The following UNC13C variants were observed in gnomAD, a reference collection of about 807,000 sequenced individuals.
UNC13C encodes the protein protein unc-13 homolog C.
Under a neutral mutation model 245.4 loss-of-function variants are expected in UNC13C, and 174 were observed. The ratio of observed to expected loss-of-function variants is 0.71; its 90% CI spans 0.63 to 0.80. The LOEUF is 0.80. Among genes scored for constraint, UNC13C ranks in the 30% least tolerant of loss-of-function variants. The pLI, the probability that UNC13C is intolerant of heterozygous loss-of-function variation, is 0.00. For synonymous variants in UNC13C, 992 were observed against 895.1 expected, an observed-to-expected ratio of 1.11 and a Z score of -1.93; for missense variants, 2,829 against 2,602.9, an observed-to-expected ratio of 1.09 and a Z score of -1.89.
At chr15:53,979,314 G>T (rs1369906141) in intron 1 of UNC13C, among the ~76,000 whole-genome samples, 1 of 126,114 alleles carries the variant, frequency 7.9e-6, no homozygotes, top group Non-Finnish European at 1.8e-5. Flanking sequence ...CTAGGAAAGG[G>T]TTAAAAGCCA....
chr15:53,864,480 C>A, the UNC13C span, among the ~76,000 whole-genome samples: 6 of 152,260 alleles, frequency 3.9e-5, no homozygotes, highest in East Asian at 9.6e-4. Context: ...TGATTCATAG[C>A]GCAGACTTAT....
At chr15:54,482,360 CCTT>C (rs1371744654) in intron 19 of UNC13C, among the ~76,000 whole-genome samples, 1 of 152,128 alleles carries the variant, frequency 6.6e-6, no homozygotes, top group African/African-American at 2.4e-5. Flanking sequence ...AGCGTGAACT[CCTT>C]CTTTGAATTA....
At chr15:54,215,643 T>C (rs1382694932) in intron 4 of UNC13C, among the ~76,000 whole-genome samples, 2 of 151,906 alleles carry the variant, frequency 1.3e-5, no homozygotes, top group African/African-American at 2.4e-5. Flanking sequence ...CATCTTATCT[T>C]TAAAATATTA....
intron 1 of UNC13C, among the ~76,000 whole-genome samples, chr15:53,989,801 G>T (rs1286648186): frequency 6.6e-6 from 1 of 151,918 alleles, no homozygotes; most frequent in Non-Finnish European, 1.5e-5. Flanking sequence ...CAGCCAGCAT[G>T]GCTACTCTGA....
chr15:54,048,077 T>C (rs1897117122), intron 2 of UNC13C, among the ~76,000 whole-genome samples: 1 of 152,174 alleles, frequency 6.6e-6, no homozygotes, highest in Non-Finnish European at 1.5e-5. Context: ...CTTATACTTA[T>C]TTAAAGGTAA....
chr15:54,015,496 GA>G lies in UNC13C; in HGVS notation c.2595del (p.Asp866IlefsTer24). ...CTATTACTATAAAGCAGAGGATGAG[GA>G]AGATTATACTGAACCAGTGGCTGAC... ...EPYYYKAEDE[E>X]DYTEPVADNE... On this transcript the variant is annotated frameshift_variant, in exon 2 of 33. Coordinates refer to ENST00000260323, the MANE Select transcript of UNC13C (RefSeq NM_001080534.3). LOFTEE classifies it high-confidence loss of function. 1.9e-6 allele frequency: 3 copies of G among 1,612,858 alleles called. No homozygotes were observed. The highest frequency in any genetic ancestry group is 2.5e-6 in the Non-Finnish European group (3 of 1,179,110).
At chr15:54,124,385 A>C (rs2141200823) in intron 2 of UNC13C, among the ~76,000 whole-genome samples, 1 of 152,312 alleles carries the variant, frequency 6.6e-6, no homozygotes, top group South Asian at 2.1e-4. Context: ...GCATTTTCTA[A>C]ATAGCTACTA....
chr15:54,369,199 C>A (rs987456226), intron 17 of UNC13C, among the ~76,000 whole-genome samples: 21 of 136,166 alleles, frequency 1.5e-4, no homozygotes, highest in African/African-American at 5.3e-4. Flanking sequence ...CCTCCCCCCC[C>A]CAAAAAAAAA....
intron 13 of UNC13C, among the ~76,000 whole-genome samples, chr15:54,302,990 C>G (rs2037627541): frequency 6.6e-6 from 1 of 152,042 alleles, no homozygotes; most frequent in Admixed American, 6.6e-5. Context: ...TTTTTCAGTA[C>G]ATAGAATGTC....
Position 54,013,580 on chromosome 15 carries a change from T to A in UNC13C, c.677T>A (p.Leu226Gln). Residue 226 changes from leucine (L) to glutamine (Q), a missense_variant, in exon 2 of 33, where the codon CTG becomes CAG. Leu to Gln is a moderately radical substitution (Grantham distance 113). Coordinates refer to ENST00000260323, the MANE Select transcript of UNC13C (RefSeq NM_001080534.3). ...GTCCGAAACCCAAAGACAAATGCCC[T>A]GGAGCCAGGGTTCAGTTCCTCTGGC... The part of the protein sequence containing the change: ...RTVRNPKTNA[L>Q]EPGFSSSGCI... 1 of 1,613,674 alleles carries A rather than the reference T, an allele frequency of 6.2e-7. No homozygotes were observed.
At chr15:53,971,401 A>G in the UNC13C span, among the ~76,000 whole-genome samples, 1 of 152,216 alleles carries the variant, frequency 6.6e-6, no homozygotes, top group East Asian at 1.9e-4. Flanking sequence ...TTTGTTAAAT[A>G]TGACAGTAGA....
intron 30 of UNC13C, among the ~76,000 whole-genome samples, chr15:54,613,151 C>T (rs1268730748): frequency 6.6e-6 from 1 of 151,766 alleles, no homozygotes; most frequent in African/African-American, 2.4e-5. Flanking sequence ...ACTACAAAAT[C>T]AATAGCTTTT....
chr15:53,901,431 A>T, the UNC13C span, among the ~76,000 whole-genome samples: 13 of 150,934 alleles, frequency 8.6e-5, no homozygotes, highest in African/African-American at 2.2e-4. Flanking sequence ...TCACTGTGTT[A>T]GCCAGGATGG....
intron 30 of UNC13C, among the ~76,000 whole-genome samples, chr15:54,582,295 C>G (rs968616144): frequency 6.6e-6 from 1 of 152,032 alleles, no homozygotes; most frequent in Non-Finnish European, 1.5e-5. Flanking sequence ...CAACCTACCA[C>G]TGACGAAAGT....
intron 13 of UNC13C, among the ~76,000 whole-genome samples, chr15:54,317,366 T>A (rs1057001470): frequency 6.6e-6 from 1 of 151,926 alleles, no homozygotes; most frequent in Non-Finnish European, 1.5e-5. Context: ...AACCTATGAA[T>A]TATTTATTAA....
At chr15:53,862,796 C>T in the UNC13C span, among the ~76,000 whole-genome samples, 5 of 152,106 alleles carry the variant, frequency 3.3e-5, no homozygotes, top group African/African-American at 1.2e-4. Context: ...CTCTCAAAGA[C>T]TCCATCTGTA....
At chr15:53,942,528 C>T in the UNC13C span, among the ~76,000 whole-genome samples, 1 of 148,430 alleles carries the variant, frequency 6.7e-6, no homozygotes, top group Admixed American at 6.7e-5. Context: ...AAAACCTGCA[C>T]ATCCTATACA....
intron 13 of UNC13C, among the ~76,000 whole-genome samples, chr15:54,303,184 C>G (rs536102311): frequency 3.9e-5 from 6 of 152,100 alleles, no homozygotes; most frequent in Non-Finnish European, 5.9e-5. Context: ...TTGGAGGGAA[C>G]TTGTTTTATA....
chr15:54,508,605 A>G (rs1233269557), intron 23 of UNC13C, among the ~76,000 whole-genome samples: 1 of 152,076 alleles, frequency 6.6e-6, no homozygotes, highest in African/African-American at 2.4e-5. Flanking sequence ...ATAATTACTA[A>G]TATCTTGACC....
Sources: gnomAD v4.1 joint callset for allele counts (sites outside exome capture counted in the v4.1 genomes callset) on GRCh38, gnomAD v4.1.1 for gene constraint, MANE v1.5 for transcripts, NCBI Gene and HGNC (gene_info 2026-07-23, HGNC 2026-07-21) for gene names.